ZBTB37: variants seen among roughly 807,000 people sequenced by gnomAD.
The protein encoded by ZBTB37 is zinc finger and BTB domain-containing protein 37.
In ZBTB37, 15 loss-of-function variants were observed where a neutral mutation model predicts 37.7. The observed-to-expected ratio is 0.40, with a 90% CI of 0.27 to 0.61. ZBTB37 has a LOEUF of 0.61. ZBTB37 is among the 20% of genes least tolerant of loss of function. The pLI is 0.44. For synonymous variants in ZBTB37, 231 were observed against 220.6 expected, an observed-to-expected ratio of 1.05 and a Z score of -0.42; for missense variants, 514 against 641.9, an observed-to-expected ratio of 0.80 and a Z score of 2.15.
chr1:173,871,475 G>C (rs559853408), intron 3 of ZBTB37, among the ~76,000 whole-genome samples: 2 of 152,294 alleles, frequency 1.3e-5, no homozygotes, highest in African/African-American at 4.8e-5. Flanking sequence ...CCGATCATCA[G>C]CTGGGAACCT....
chr1:173,879,445 T>G (rs893086186), intron 4 of ZBTB37, among the ~76,000 whole-genome samples: 2 of 152,094 alleles, frequency 1.3e-5, no homozygotes, highest in Non-Finnish European at 2.9e-5. Flanking sequence ...GGAGACAAAT[T>G]TTTAGGACAG....
chr1:173,874,572 C>T lies in ZBTB37; in HGVS notation c.1023+1006C>T, dbSNP rs3004296. On this transcript the variant is annotated intron_variant, in intron 4 of 4. Coordinates refer to ENST00000427304, the Ensembl canonical transcript of ZBTB37. ...TTCACCGTGTTAGCCAGGGTGGTTTCGATCTCCTGACCTCATGATCCGCCT... is the reference window on the plus strand; with the variant it reads ...TTCACCGTGTTAGCCAGGGTGGTTTTGATCTCCTGACCTCATGATCCGCCT... Among the ~76,000 whole-genome samples the T allele has an allele frequency of 2.4e-4, 37 of 152,166 alleles. No individual in the cohort carries two copies. In the East Asian group the frequency reaches 3.7e-3, roughly 15 times the overall value.
chr1:173,899,635 A>T (rs1194941140), exon 4 of ZBTB37: 2 of 152,118 alleles, frequency 1.3e-5, no homozygotes, highest in Non-Finnish European at 2.9e-5. Context: ...CCCTCTAGAC[A>T]TTTACATTTT....
intron 4 of ZBTB37, among the ~76,000 whole-genome samples, chr1:173,882,482 C>T (rs1052793916): frequency 6.6e-6 from 1 of 152,026 alleles, no homozygotes; most frequent in African/African-American, 2.4e-5. Context: ...CCTCATGATT[C>T]GCCCACCTCG....
At chr1:173,895,300 A>G (rs1657002620) in exon 4 of ZBTB37, 5 of 152,098 alleles carry the variant, frequency 3.3e-5, no homozygotes, top group Admixed American at 3.3e-4. Flanking sequence ...ACGGGATCTC[A>G]CCATGTTGCC....
At chr1:173,885,740 C>G in exon 5 of ZBTB37, 2 of 1,551,706 alleles carry the variant, frequency 1.3e-6, no homozygotes, top group Non-Finnish European at 1.7e-6. Flanking sequence ...TCACCTGCAT[C>G]TATTGCGCCA....
At chr1:173,870,949 G>A (rs755316452) in exon 3 of ZBTB37, 1 of 1,614,248 alleles carries the variant, frequency 6.2e-7, no homozygotes. Context: ...AGTTCTTGGA[G>A]CAGTACACAT....
chr1:173,873,315 T>C (rs1655694498), intron 3 of ZBTB37, 152 bp from the exon 4 acceptor site: 1 of 654,048 alleles, frequency 1.5e-6, no homozygotes, highest in Non-Finnish European at 2.4e-6. Flanking sequence ...AATCAGATTA[T>C]GTATTAACTC....
chr1:173,895,802 G>A (rs1292153890), exon 4 of ZBTB37: 5 of 152,080 alleles, frequency 3.3e-5, no homozygotes, highest in African/African-American at 1.2e-4. Flanking sequence ...GTCAGATTTA[G>A]GATGCCTTAT....
At chr1:173,875,369 A>G (rs1655901473) in intron 4 of ZBTB37, among the ~76,000 whole-genome samples, 1 of 147,356 alleles carries the variant, frequency 6.8e-6, no homozygotes, top group Non-Finnish European at 1.5e-5. Flanking sequence ...TCTGTCACCC[A>G]GGCTGGAGTG....
At chr1:173,872,221 C>A (rs762845901) in intron 3 of ZBTB37, among the ~76,000 whole-genome samples, 1 of 151,806 alleles carries the variant, frequency 6.6e-6, no homozygotes, top group Non-Finnish European at 1.5e-5. Context: ...GGTCCCTGCC[C>A]CCATGCTCAG....
chr1:173,897,401 G>C (rs1657091977), exon 4 of ZBTB37: 1 of 152,238 alleles, frequency 6.6e-6, no homozygotes, highest in South Asian at 2.1e-4. Flanking sequence ...GAAAAAAGAT[G>C]TAGGTGTAAA....
exon 4 of ZBTB37, chr1:173,893,188 C>G (rs967011997): frequency 6.6e-6 from 1 of 152,232 alleles, no homozygotes; most frequent in South Asian, 2.1e-4. Context: ...GAGGCATGAA[C>G]CACTGCACCC....
downstream of ZBTB37, chr1:173,889,420 A>G (rs988296912): frequency 6.6e-5 from 10 of 152,252 alleles, no homozygotes; most frequent in Non-Finnish European, 1.3e-4. Context: ...TGCATTAGCA[A>G]TGAGAGCTAC....
At chr1:173,875,152 G>A (rs1467695765) in intron 4 of ZBTB37, among the ~76,000 whole-genome samples, 1 of 133,462 alleles carries the variant, frequency 7.5e-6, no homozygotes, top group Non-Finnish European at 1.5e-5. Flanking sequence ...GTGTGTGTGT[G>A]TGTGTGTGCA....
chr1:173,889,321 T>C (rs1656750484), downstream of ZBTB37: 1 of 152,240 alleles, frequency 6.6e-6, no homozygotes, highest in Non-Finnish European at 1.5e-5. Flanking sequence ...AGGATACCTC[T>C]TAAGGATGTA....
exon 3 of ZBTB37, chr1:173,871,005 T>C: frequency 6.2e-7 from 1 of 1,614,222 alleles, no homozygotes; most frequent in African/African-American, 1.3e-5. Context: ...AGAATCAGCC[T>C]TCTGGAGAAG....
At chr1:173,875,158 G>A (rs1265375858) in intron 4 of ZBTB37, among the ~76,000 whole-genome samples, 1 of 140,816 alleles carries the variant, frequency 7.1e-6, no homozygotes, top group Non-Finnish European at 1.5e-5. Context: ...GTGTGTGTGT[G>A]TGCACGTGTG....
chr1:173,882,479 A>G (rs1043178892), intron 4 of ZBTB37, among the ~76,000 whole-genome samples: 9 of 151,906 alleles, frequency 5.9e-5, no homozygotes, highest in Non-Finnish European at 1.3e-4. Context: ...TGACCTCATG[A>G]TTCGCCCACC....
Sources: gnomAD v4.1 joint callset for allele counts (sites outside exome capture counted in the v4.1 genomes callset) on GRCh38, gnomAD v4.1.1 for gene constraint, MANE v1.5 for transcripts, NCBI Gene and HGNC (gene_info 2026-07-23, HGNC 2026-07-21) for gene names.